Variants in MACROD2 observed in about 807,000 individuals in gnomAD.
The protein encoded by MACROD2 is mono-ADP ribosylhydrolase 2.
In MACROD2, 36 loss-of-function variants were observed where a neutral mutation model predicts 70.4. The observed-to-expected ratio is 0.51, with a 90% CI of 0.39 to 0.68. MACROD2 has a LOEUF of 0.68. MACROD2 is among the 30% of genes least tolerant of loss of function. The probability of loss-of-function intolerance (pLI) is 0.00; values close to 1 mark genes in which losing one functional copy is unlikely to be tolerated. For missense variants in MACROD2, 496 were observed against 538.4 expected, an observed-to-expected ratio of 0.92 and a Z score of 0.78; for synonymous variants, 172 against 178.8, an observed-to-expected ratio of 0.96 and a Z score of 0.30.
intron 4 of MACROD2, among the ~76,000 whole-genome samples, chr20:14,639,987 T>C (rs912466441): frequency 5.3e-5 from 8 of 152,132 alleles, no homozygotes; most frequent in African/African-American, 1.2e-4. Context: ...CTCCAGACCA[T>C]AGTAGGGGTT....
rs545007945 is a variant in MACROD2, at chr20:14,383,788, C to G, written c.272-109691C>G. ...GAGGTAGATCCTTCAATTAAGCTGA[C>G]TTAAAGAGGTAAAATGAGGTTATTG... On this transcript the variant is annotated intron_variant, in intron 3 of 17. Coordinates refer to ENST00000684519, the MANE Select transcript of MACROD2 (RefSeq NM_001351661.2). Among the ~76,000 whole-genome samples the G allele has an allele frequency of 2.2e-4, 33 of 152,188 alleles. No individual in the cohort carries two copies. In the South Asian group the frequency reaches 6.0e-3, roughly 28 times the overall value.
At chr20:14,209,912 T>C (rs976331053) in intron 3 of MACROD2, among the ~76,000 whole-genome samples, 3 of 152,212 alleles carry the variant, frequency 2.0e-5, no homozygotes, top group African/African-American at 7.2e-5. Flanking sequence ...TTTATCTTTG[T>C]GGCTACTCAC....
intron 5 of MACROD2, among the ~76,000 whole-genome samples, chr20:14,693,694 A>G (rs1249699590): frequency 6.6e-6 from 1 of 152,156 alleles, no homozygotes. Context: ...TGTAAGATTG[A>G]TTCTGTGTCA....
chr20:15,559,742 G>A (rs915132693), intron 8 of MACROD2, among the ~76,000 whole-genome samples: 3 of 152,152 alleles, frequency 2.0e-5, no homozygotes, highest in African/African-American at 7.2e-5. Flanking sequence ...GGTCAATAAG[G>A]GGTGAGGAGA....
chr20:14,295,425 G>C (rs370093629), intron 3 of MACROD2, among the ~76,000 whole-genome samples: 4 of 151,986 alleles, frequency 2.6e-5, no homozygotes, highest in South Asian at 2.1e-4. Flanking sequence ...CTTCCTCTCT[G>C]AGGCTGATTT....
At chr20:14,633,383 A>G (rs921118008) in intron 4 of MACROD2, among the ~76,000 whole-genome samples, 1 of 152,140 alleles carries the variant, frequency 6.6e-6, no homozygotes, top group African/African-American at 2.4e-5. Context: ...TACTCTGGTA[A>G]TCTTTATTCA....
At chr20:15,817,963 T>G (rs2063895471) in intron 8 of MACROD2, among the ~76,000 whole-genome samples, 1 of 152,178 alleles carries the variant, frequency 6.6e-6, no homozygotes, top group African/African-American at 2.4e-5. Flanking sequence ...AGCTATGCTT[T>G]CTTTTTCCTC....
intron 5 of MACROD2, among the ~76,000 whole-genome samples, chr20:14,980,938 C>T (rs1401899782): frequency 1.3e-5 from 2 of 152,146 alleles, no homozygotes; most frequent in Non-Finnish European, 2.9e-5. Context: ...GGGCAGAAGC[C>T]TCCCAGTAGG....
Position 14,423,998 on chromosome 20 carries a change from G to A in MACROD2, c.272-69481G>A, listed in dbSNP as rs181353821. Among the ~76,000 whole-genome samples the A allele has an allele frequency of 9.0e-3, 1,367 of 151,868 alleles. 16 individuals are homozygous for A. The highest frequency in any genetic ancestry group is 0.031 in the African/African-American group (1,274 of 41,508). On this transcript the variant is annotated intron_variant, in intron 3 of 17. Coordinates refer to ENST00000684519, the MANE Select transcript of MACROD2 (RefSeq NM_001351661.2). ...GCTAGTCTTGAACTCTCGACCTCAGGTGATCCGCCCGCCTCAGCCTCCCAG... is the reference window on the plus strand; with the variant it reads ...GCTAGTCTTGAACTCTCGACCTCAGATGATCCGCCCGCCTCAGCCTCCCAG...
At chr20:15,623,712 C>CTATCTATCTA in intron 8 of MACROD2, among the ~76,000 whole-genome samples, 1 of 151,948 alleles carries the variant, frequency 6.6e-6, no homozygotes, top group East Asian at 1.9e-4. Context: ...ATCTATCTAT[C>CTATCTATCTA]TATCTATCGA....
chr20:14,350,616 T>C (rs2083114783), intron 3 of MACROD2, among the ~76,000 whole-genome samples: 1 of 152,192 alleles, frequency 6.6e-6, no homozygotes, highest in East Asian at 1.9e-4. Flanking sequence ...ATATTTTTTT[T>C]CCTATAGAGT....
intron 8 of MACROD2, among the ~76,000 whole-genome samples, chr20:15,809,491 G>A (rs6135546): frequency 0.19 from 28,169 of 152,198 alleles, 2,889 homozygotes; most frequent in Middle Eastern, 0.34. Context: ...ACTGCAGAAG[G>A]CAAAAGAGAG....
At chr20:15,816,649 AACTTATATCTGAT>A (rs1380031532) in intron 8 of MACROD2, among the ~76,000 whole-genome samples, 1 of 152,150 alleles carries the variant, frequency 6.6e-6, no homozygotes, top group East Asian at 1.9e-4. Flanking sequence ...TTGACAAGCA[AACTTATATCTGAT>A]ACTGATAGAT....
intron 3 of MACROD2, among the ~76,000 whole-genome samples, chr20:14,136,813 C>T (rs2054803949): frequency 6.6e-6 from 1 of 152,194 alleles, no homozygotes; most frequent in African/African-American, 2.4e-5. Context: ...TACACTATTT[C>T]TTCCAGAAAT....
At chr20:14,554,019 G>A (rs1009734920) in intron 4 of MACROD2, among the ~76,000 whole-genome samples, 3 of 152,060 alleles carry the variant, frequency 2.0e-5, no homozygotes, top group Non-Finnish European at 4.4e-5. Context: ...CATTTCCCAG[G>A]TCTTCTACAG....
At chr20:14,404,889 CTAAT>C (rs1402235419) in intron 3 of MACROD2, among the ~76,000 whole-genome samples, 1 of 150,620 alleles carries the variant, frequency 6.6e-6, no homozygotes, top group Non-Finnish European at 1.5e-5. Flanking sequence ...ACTGAAGTCA[CTAAT>C]TAAAGAAAAA....
At chr20:14,540,179 G>T (rs2085413901) in intron 4 of MACROD2, among the ~76,000 whole-genome samples, 1 of 152,104 alleles carries the variant, frequency 6.6e-6, no homozygotes, top group East Asian at 1.9e-4. Context: ...AACCAAAAAT[G>T]ATGGGATAAC....
chr20:15,186,549 AT>A (rs1685139823), intron 5 of MACROD2, among the ~76,000 whole-genome samples: 2 of 152,162 alleles, frequency 1.3e-5, no homozygotes, highest in Admixed American at 6.6e-5. Flanking sequence ...CTAAATAAGT[AT>A]TTGTTGGAGA....
At chr20:15,296,049 AC>A (rs1174934064) in intron 6 of MACROD2, among the ~76,000 whole-genome samples, 2 of 152,142 alleles carry the variant, frequency 1.3e-5, no homozygotes, top group Non-Finnish European at 2.9e-5. Context: ...TGCCTGTTGC[AC>A]CCTTGCAACA....
Sources: gnomAD v4.1 joint callset for allele counts (sites outside exome capture counted in the v4.1 genomes callset) on GRCh38, gnomAD v4.1.1 for gene constraint, MANE v1.5 for transcripts, NCBI Gene and HGNC (gene_info 2026-07-23, HGNC 2026-07-21) for gene names.